The following MBD5 variants were observed in gnomAD, a reference collection of about 807,000 sequenced individuals.
The protein encoded by MBD5 is methyl-CpG-binding domain protein 5.
In MBD5, 13 loss-of-function variants were observed where a neutral mutation model predicts 117.3. That is an observed-to-expected ratio of 0.11 (90% CI 0.07 to 0.18). MBD5 has a LOEUF of 0.18. Among genes scored for constraint, MBD5 ranks in the 10% least tolerant of loss-of-function variants. MBD5 has a pLI of 1.00. For missense variants in MBD5, 1,879 were observed against 2,093.8 expected (o/e 0.90, Z 2.00); for synonymous variants, 727 against 766.4 (o/e 0.95, Z 0.85).
intron 1 of MBD5, among the ~76,000 whole-genome samples, chr2:148,066,722 C>T (rs1383647863): frequency 6.6e-6 from 1 of 152,210 alleles, no homozygotes; most frequent in East Asian, 1.9e-4. Context: ...AGGCAATCCA[C>T]CTGCCTTGGC....
At chr2:148,261,968 C>T (rs1478741401) in intron 3 of MBD5, among the ~76,000 whole-genome samples, 2 of 152,142 alleles carry the variant, frequency 1.3e-5, no homozygotes, top group Non-Finnish European at 2.9e-5. Flanking sequence ...ACACACACAA[C>T]ATTTATCGAT....
At position 148,458,308 on chromosome 2, in the gene MBD5, A is replaced by G. The variant is rs1706947149; in HGVS notation, c.-451A>G. On this transcript the variant is annotated 5_prime_UTR_variant, in exon 5 of 14. Transcript: ENST00000642680. Reference sequence around the variant, plus strand: ...AGAGAAAGTTTAAAGAATGTGGCCTATAAAGGCGGGTACCTGGAAATATTA... The same window carrying G: ...AGAGAAAGTTTAAAGAATGTGGCCTGTAAAGGCGGGTACCTGGAAATATTA... The G allele has an allele frequency of 2.4e-6, 1 of 411,182 alleles. No individual in the cohort carries two copies. The highest frequency in any genetic ancestry group is 1.1e-4 in the South Asian group (1 of 9,494). 25.5% of individuals were successfully genotyped at this position (411,182 alleles called of 1,614,324 possible).
At chr2:148,059,339 C>T (rs1037720484) in intron 1 of MBD5, among the ~76,000 whole-genome samples, 1 of 151,872 alleles carries the variant, frequency 6.6e-6, no homozygotes, top group Non-Finnish European at 1.5e-5. Flanking sequence ...AATAAATATA[C>T]ACACTTGGTA....
Position 148,513,346 on chromosome 2 carries a change from C to G in MBD5, c.*405C>G, listed in dbSNP as rs185867776. ...CATGTACAAGCGTACCTAATGCACA[C>G]TTTATCTTTTATTGTACAAAGAAAT... On this transcript the variant is annotated 3_prime_UTR_variant, in exon 14 of 14. Transcript: ENST00000642680. The G allele has an allele frequency of 1.1e-5, 2 of 189,134 alleles. No individual in the cohort carries two copies. The highest frequency in any genetic ancestry group is 1.1e-5 in the Non-Finnish European group (1 of 89,638). The allele number at this position is 189,134 out of a possible 1,614,324, so 11.7% of individuals were successfully genotyped here. A position where few individuals can be genotyped will look rare whatever the true frequency, so the allele number is the denominator to read the frequency against.
At position 148,315,093 on chromosome 2, in the gene MBD5, G is replaced by A. The variant is rs533415596; in HGVS notation, c.-679-27121G>A. Reference sequence around the variant, plus strand: ...AGCCTAGTTAAAAAGAGGACTCAGAGGAGCTTGATTAAAATTTGGTCAAAG... The same window carrying A: ...AGCCTAGTTAAAAAGAGGACTCAGAAGAGCTTGATTAAAATTTGGTCAAAG... On this transcript the variant is annotated intron_variant, in intron 3 of 13. Coordinates refer to ENST00000642680, the MANE Select transcript of MBD5 (RefSeq NM_001378120.1). 2.0e-5 allele frequency among the ~76,000 whole-genome samples: 3 copies of A among 152,254 alleles called. No homozygotes were observed. In the South Asian group the frequency reaches 6.2e-4, roughly 32 times the overall value.
chr2:148,156,089 G>A (rs1413500079), intron 1 of MBD5, among the ~76,000 whole-genome samples: 1 of 152,190 alleles, frequency 6.6e-6, no homozygotes, highest in African/African-American at 2.4e-5. Flanking sequence ...AGGTACAAAA[G>A]AGCCAGATCA....
chr2:148,174,642 C>T (rs1423876725), intron 1 of MBD5, among the ~76,000 whole-genome samples: 2 of 151,624 alleles, frequency 1.3e-5, no homozygotes, highest in South Asian at 2.1e-4. Flanking sequence ...GGAAACGGAC[C>T]TGAATATACA....
chr2:148,346,779 G>T (rs1352226456), intron 4 of MBD5: 1 of 151,138 alleles, frequency 6.6e-6, no homozygotes, highest in Non-Finnish European at 1.5e-5. Flanking sequence ...AATGTTTTGT[G>T]TGCTTTATTT....
chr2:148,315,209 T>G (rs1277578995), intron 3 of MBD5, among the ~76,000 whole-genome samples: 1 of 152,178 alleles, frequency 6.6e-6, no homozygotes, highest in Non-Finnish European at 1.5e-5. Context: ...TTAGTATAAG[T>G]AAATCATCAT....
intron 3 of MBD5, among the ~76,000 whole-genome samples, chr2:148,322,321 A>T (rs1702303728): frequency 6.6e-6 from 1 of 152,218 alleles, no homozygotes; most frequent in Non-Finnish European, 1.5e-5. Context: ...GTTGTACATA[A>T]CTTACTATTC....
At chr2:148,045,974 CTTTTTTTTTTTTTTTTTT>C (rs59672002) in intron 1 of MBD5, among the ~76,000 whole-genome samples, 3 of 77,482 alleles carry the variant, frequency 3.9e-5, no homozygotes, top group Admixed American at 1.7e-4. Context: ...AATGAAGTGC[CTTTTTTTTTTTTTTTTTT>C]TTTTTTTTTT....
intron 2 of MBD5, among the ~76,000 whole-genome samples, chr2:148,199,036 A>G (rs1699068128): frequency 6.6e-6 from 1 of 152,082 alleles, no homozygotes; most frequent in Non-Finnish European, 1.5e-5. Context: ...ATTTATAGAA[A>G]TTTATTTCAA....
At chr2:148,394,704 G>A (rs1230968458) in intron 4 of MBD5, among the ~76,000 whole-genome samples, 1 of 135,196 alleles carries the variant, frequency 7.4e-6, no homozygotes, top group African/African-American at 2.7e-5. Context: ...TTTTGTTAGT[G>A]CTGTTCTCAA....
intron 2 of MBD5, among the ~76,000 whole-genome samples, chr2:148,216,706 C>T (rs1699564687): frequency 6.6e-6 from 1 of 152,160 alleles, no homozygotes; most frequent in Non-Finnish European, 1.5e-5. Flanking sequence ...AAAACAAGAT[C>T]AGAGGTGCTA....
intron 1 of MBD5, among the ~76,000 whole-genome samples, chr2:148,063,373 G>C (rs1433554324): frequency 1.3e-5 from 2 of 152,052 alleles, no homozygotes; most frequent in Non-Finnish European, 2.9e-5. Flanking sequence ...TAGAAGTTGG[G>C]GATCGTTAGG....
At chr2:148,254,071 A>G (rs1220336732) in intron 3 of MBD5, among the ~76,000 whole-genome samples, 2 of 152,148 alleles carry the variant, frequency 1.3e-5, no homozygotes, top group Non-Finnish European at 2.9e-5. Flanking sequence ...CAACAACAAT[A>G]CAGAGAGGAA....
At chr2:148,065,753 T>A (rs1015093951) in intron 1 of MBD5, among the ~76,000 whole-genome samples, 3 of 152,192 alleles carry the variant, frequency 2.0e-5, no homozygotes, top group Admixed American at 6.5e-5. Context: ...AATTATAGAC[T>A]TTTCAGTAGG....
intron 4 of MBD5, among the ~76,000 whole-genome samples, chr2:148,345,868 A>G (rs920828289): frequency 2.0e-5 from 3 of 151,846 alleles, no homozygotes; most frequent in Non-Finnish European, 4.4e-5. Flanking sequence ...AGCACAGGAG[A>G]AAGATGTAGG....
chr2:148,231,749 G>A (rs1699992776), intron 2 of MBD5, among the ~76,000 whole-genome samples: 2 of 152,140 alleles, frequency 1.3e-5, no homozygotes, highest in African/African-American at 4.8e-5. Context: ...GAGGGGAGAA[G>A]GGTAGGAGAT....
Sources: allele counts gnomAD v4.1 joint callset (sites outside exome capture counted in the v4.1 genomes callset), GRCh38; gene constraint gnomAD v4.1.1; transcripts MANE v1.5; gene names NCBI Gene and HGNC (gene_info 2026-07-23, HGNC 2026-07-21).